Variants in GRID2 observed in about 807,000 individuals in gnomAD.
The protein encoded by GRID2 is glutamate receptor ionotropic, delta-2.
In GRID2, 33 loss-of-function variants were observed where a neutral mutation model predicts 114.8. The observed-to-expected ratio is 0.29, with a 90% confidence interval of 0.22 to 0.38. The LOEUF is 0.38. GRID2 is among the 10% of genes least tolerant of loss of function. The pLI, the probability that GRID2 is intolerant of heterozygous loss-of-function variation, is 1.00. For synonymous variants in GRID2, 505 were observed against 449.9 expected (o/e 1.12, Z -1.55); for missense variants, 1,184 against 1,257.7 (o/e 0.94, Z 0.89).
intron 1 of GRID2, among the ~76,000 whole-genome samples, chr4:93,797,218 T>C (rs1734822365): frequency 6.6e-6 from 1 of 152,246 alleles, no homozygotes; most frequent in Admixed American, 6.5e-5. Flanking sequence ...AACATGGCTG[T>C]ATTACTGTAA....
chr4:93,373,673 A>G (rs1291564561), intron 8 of GRID2, among the ~76,000 whole-genome samples: 1 of 152,200 alleles, frequency 6.6e-6, no homozygotes, highest in Non-Finnish European at 1.5e-5. Flanking sequence ...ATCCTTGCTA[A>G]TACAGAGAAT....
intron 2 of GRID2, among the ~76,000 whole-genome samples, chr4:92,769,921 G>C (rs1305439634): frequency 2.0e-5 from 3 of 152,194 alleles, no homozygotes; most frequent in Admixed American, 2.0e-4. Flanking sequence ...CATTGTCTTG[G>C]AGATTAACAT....
chr4:93,166,298 A>G (rs1328171354), intron 4 of GRID2: 4 of 152,160 alleles, frequency 2.6e-5, no homozygotes, highest in Non-Finnish European at 5.9e-5. Flanking sequence ...TCAAACCCCA[A>G]CATCTAAAGT....
intron 8 of GRID2, among the ~76,000 whole-genome samples, chr4:93,366,476 G>A (rs1410210388): frequency 1.3e-5 from 2 of 152,090 alleles, no homozygotes; most frequent in Non-Finnish European, 2.9e-5. Flanking sequence ...CCTGTCTCCT[G>A]ATAAGATGTT....
At chr4:92,898,720 C>T (rs186514065) in intron 2 of GRID2, among the ~76,000 whole-genome samples, 98 of 152,166 alleles carry the variant, frequency 6.4e-4, no homozygotes, top group Admixed American at 1.0e-3. Flanking sequence ...ACTAATGTAG[C>T]GCTTACAGAT....
chr4:92,636,604 C>A (rs2149250089), intron 2 of GRID2, among the ~76,000 whole-genome samples: 1 of 152,074 alleles, frequency 6.6e-6, no homozygotes, highest in South Asian at 2.1e-4. Context: ...GTAAATTATT[C>A]AGTTGTACAT....
chr4:92,859,389 AAAT>A (rs1744385836), intron 2 of GRID2, among the ~76,000 whole-genome samples: 1 of 152,184 alleles, frequency 6.6e-6, no homozygotes, highest in African/African-American at 2.4e-5. Flanking sequence ...GGAAACCAAA[AAAT>A]TCATGTAATT....
chr4:93,219,183 A>G (rs919840428), intron 6 of GRID2, among the ~76,000 whole-genome samples: 2 of 152,360 alleles, frequency 1.3e-5, no homozygotes, highest in African/African-American at 4.8e-5. Flanking sequence ...TTAGAAAATT[A>G]TAAAATATTA....
intron 9 of GRID2, among the ~76,000 whole-genome samples, chr4:93,397,245 G>A (rs1179163864): frequency 6.6e-6 from 1 of 151,620 alleles, no homozygotes; most frequent in Admixed American, 6.6e-5. Context: ...TTTTTAAAAG[G>A]GCTTAATTGC....
At chr4:93,118,156 C>T (rs1285397906) in intron 4 of GRID2, among the ~76,000 whole-genome samples, 1 of 152,172 alleles carries the variant, frequency 6.6e-6, no homozygotes, top group African/African-American at 2.4e-5. Flanking sequence ...TGCCACCCTG[C>T]TTCACCAGAT....
intron 4 of GRID2, among the ~76,000 whole-genome samples, chr4:93,175,203 C>G (rs1015161982): frequency 1.3e-5 from 2 of 152,128 alleles, no homozygotes; most frequent in African/African-American, 4.8e-5. Flanking sequence ...CAGAATCTAA[C>G]TCTGTCGCCC....
chr4:93,552,588 G>A (rs542580078), intron 13 of GRID2, among the ~76,000 whole-genome samples: 29 of 152,282 alleles, frequency 1.9e-4, no homozygotes, highest in Middle Eastern at 3.4e-3. Flanking sequence ...GGTGTGAGAT[G>A]ATATCTCATT....
Position 92,518,766 on chromosome 4 carries a change from T to C in GRID2, c.89-71365T>C, listed in dbSNP as rs192267653. 5.9e-4 allele frequency among the ~76,000 whole-genome samples: 89 copies of C among 152,046 alleles called. No homozygotes were observed. The South Asian group carries it at 0.012, about 21-fold the overall frequency. ...CCTTTAAGAAATAGTTTATTCCTTTTAAATGCAGTCATTTACTAGAATATT... is the reference window on the plus strand; with the variant it reads ...CCTTTAAGAAATAGTTTATTCCTTTCAAATGCAGTCATTTACTAGAATATT... On this transcript the variant is annotated intron_variant, in intron 1 of 15. Coordinates refer to ENST00000282020, the MANE Select transcript of GRID2 (RefSeq NM_001510.4).
At chr4:93,743,353 A>G (rs760732410) in intron 14 of GRID2, among the ~76,000 whole-genome samples, 2 of 152,268 alleles carry the variant, frequency 1.3e-5, no homozygotes, top group African/African-American at 4.8e-5. Context: ...CAAGTTCTCT[A>G]GAAATTCTAG....
chr4:93,501,957 C>T (rs1443636997), intron 12 of GRID2, among the ~76,000 whole-genome samples: 1 of 151,978 alleles, frequency 6.6e-6, no homozygotes, highest in African/African-American at 2.4e-5. Context: ...CTGTTACTTC[C>T]TCCCCTTACT....
intron 1 of GRID2, among the ~76,000 whole-genome samples, chr4:92,421,784 C>G (rs774557536): frequency 2.0e-5 from 3 of 152,050 alleles, no homozygotes; most frequent in African/African-American, 7.2e-5. Flanking sequence ...TTCTGTTCAA[C>G]TCTAATCCAG....
chr4:93,697,869 G>A (rs115416114), intron 14 of GRID2, among the ~76,000 whole-genome samples: 19,501 of 121,890 alleles, frequency 0.16, 3,528 homozygotes, highest in African/African-American at 0.42. Context: ...CACAATGTGT[G>A]TATATATATA....
At chr4:93,634,425 A>G (rs1721229326) in intron 14 of GRID2, among the ~76,000 whole-genome samples, 2 of 152,170 alleles carry the variant, frequency 1.3e-5, no homozygotes, top group Admixed American at 6.6e-5. Context: ...AATGTGATAG[A>G]CTATCAACAG....
At chr4:93,536,120 C>T (rs2149520735) in intron 13 of GRID2, among the ~76,000 whole-genome samples, 1 of 151,870 alleles carries the variant, frequency 6.6e-6, no homozygotes, top group African/African-American at 2.4e-5. Flanking sequence ...TGTTTAAATG[C>T]CCGTAGTACC....
Sources: gnomAD v4.1 joint callset for allele counts (sites outside exome capture counted in the v4.1 genomes callset) on GRCh38, gnomAD v4.1.1 for gene constraint, MANE v1.5 for transcripts, NCBI Gene and HGNC (gene_info 2026-07-23, HGNC 2026-07-21) for gene names.